Variants in FANCA observed in about 807,000 individuals in gnomAD.
FANCA encodes the protein FA complementation group A, also known as Fanconi anemia group A protein.
Under a neutral mutation model 194.3 loss-of-function variants are expected in FANCA, and 236 were observed. The observed-to-expected ratio is 1.21, with a 90% CI of 1.09 to 1.35. FANCA has a LOEUF of 1.35. Ranked by LOEUF, FANCA falls within the 40% of genes most tolerant of loss-of-function variation. The pLI, the probability that FANCA is intolerant of heterozygous loss-of-function variation, is 0.00. For missense variants in FANCA, 2,628 were observed against 1,813.9 expected, an observed-to-expected ratio of 1.45 and a Z score of -8.15; for synonymous variants, 1,014 against 715.8, an observed-to-expected ratio of 1.42 and a Z score of -6.65.
intron 8 of FANCA, among the ~76,000 whole-genome samples, chr16:89,802,545 G>A (rs1244746493): frequency 6.6e-6 from 1 of 152,132 alleles, no homozygotes; most frequent in Admixed American, 6.6e-5. Flanking sequence ...GGGTCCACAG[G>A]TGCCTGCCAC....
rs757531036 is a variant in FANCA, at chr16:89,811,085, C to G, written c.284-14G>C. The G allele has an allele frequency of 6.2e-7, 1 of 1,613,886 alleles. No individual in the cohort carries two copies. Among genetic ancestry groups the G allele is most frequent in the Non-Finnish European group, 8.5e-7 (1 of 1,180,012 alleles). On this transcript the variant is annotated splice_polypyrimidine_tract_variant and intron_variant, in intron 3 of 42. Transcript: ENST00000389301. Reference sequence around the variant, plus strand: ...GCAAAGCAGAGCCTTAAACACAAAACAAAACCATAGCTTTCTCTTAACACA... The same window carrying G: ...GCAAAGCAGAGCCTTAAACACAAAAGAAAACCATAGCTTTCTCTTAACACA...
intron 30 of FANCA, among the ~76,000 whole-genome samples, chr16:89,757,341 G>T (rs896501771): frequency 2.6e-5 from 4 of 152,120 alleles, no homozygotes; most frequent in African/African-American, 7.2e-5. Flanking sequence ...TTGGAGTAGG[G>T]TTAACAAGAA....
At chr16:89,798,925 G>A (rs529541141) in intron 10 of FANCA, 33 of 1,603,496 alleles carry the variant, frequency 2.1e-5, no homozygotes, top group Middle Eastern at 4.3e-4. Context: ...TTCCAGAGGC[G>A]GAACAGGATA....
intron 30 of FANCA, 120 bp from the exon 31 acceptor site, chr16:89,752,342 CATTA>C (rs1387970182): frequency 2.4e-6 from 2 of 833,292 alleles, no homozygotes; most frequent in African/African-American, 3.3e-5. Context: ...GTGACCCTCA[CATTA>C]GTCAACAATA....
chr16:89,745,070 A>G lies in FANCA; in HGVS notation c.3515T>C (p.Val1172Ala), dbSNP rs766473917. ...KCPLILTSAL[V>A]WWPSLEPVLL... Reference sequence around the variant, plus strand: ...CACAGGCTCCAGGCTCGGCCACCACACCTATGGAGAGAGCACCAGCACACA... The same window carrying G: ...CACAGGCTCCAGGCTCGGCCACCACGCCTATGGAGAGAGCACCAGCACACA... Residue 1172 changes from valine to alanine, a missense_variant and splice_region_variant, in exon 36 of 43, where the codon GTG becomes GCG. Coordinates refer to ENST00000389301, the MANE Select transcript of FANCA (RefSeq NM_000135.4). The G allele has an allele frequency of 5.6e-6, 9 of 1,600,306 alleles. No homozygotes were observed. The highest frequency in any genetic ancestry group is 7.6e-6 in the Non-Finnish European group (9 of 1,176,690).
chr16:89,758,796 C>T, intron 29 of FANCA, 91 bp from the exon 30 acceptor site: 1 of 1,582,354 alleles, frequency 6.3e-7, no homozygotes, highest in Non-Finnish European at 8.6e-7. Context: ...GTAAGGGACA[C>T]ACAGCACTAG....
intron 29 of FANCA, among the ~76,000 whole-genome samples, chr16:89,761,419 AG>A (rs1452050511): frequency 8.5e-6 from 1 of 118,022 alleles, no homozygotes; most frequent in Non-Finnish European, 1.6e-5. Context: ...ACTCTGTCTC[AG>A]AAAAAAAAAA....
At chr16:89,814,972 TA>T (rs1394471385) in intron 2 of FANCA, among the ~76,000 whole-genome samples, 2 of 151,964 alleles carry the variant, frequency 1.3e-5, no homozygotes, top group African/African-American at 4.8e-5. Flanking sequence ...AAAATAAAAA[TA>T]AAAAAAATTC....
rs1349300770 is a variant in FANCA, at chr16:89,771,710, T to C, written c.2119A>G (p.Asn707Asp). ...TCCCGTGGCTCCAGTCTCGGCGTGT[T>C]GATGCTGAGCTGAATCTTTGATATC... The part of the protein sequence containing the change: ...VEISKIQLSI[N>D]TPRLEPREHM... Residue 707 changes from asparagine (N) to aspartate (D), a missense_variant, in exon 23 of 43, where the codon AAC (asparagine) becomes GAC (aspartate). Transcript: ENST00000389301. 5.6e-6 allele frequency: 9 copies of C among 1,614,080 alleles called. No individual in the cohort carries two copies. The highest frequency in any genetic ancestry group is 7.6e-6 in the Non-Finnish European group (9 of 1,180,050).
In FANCA at chr16:89,738,976, TAG is replaced by T. The variant is rs2062047195; in HGVS notation, c.4168-4_4168-3del. 5 of 1,614,204 alleles carry T rather than the reference TAG, an allele frequency of 3.1e-6. No homozygotes were observed. Among genetic ancestry groups the T allele is most frequent in the Non-Finnish European group, 4.2e-6 (5 of 1,180,026 alleles). The stretch of plus-strand genomic sequence containing the variant: ...TGTTATCAGTTCCACGGGGTTGCCC[TAG>T]AGAGAAAACAGGCAAACTCACAGGT... On this transcript the variant is annotated splice_polypyrimidine_tract_variant and splice_region_variant and intron_variant, in intron 41 of 42. Transcript: ENST00000389301.
In FANCA at chr16:89,771,768, G is replaced by A; in HGVS notation, c.2061C>T (p.Val687=). The part of the protein sequence containing the change: ...VAVISERLRA[V]LGHNEDDSSV... ...TGCTGTCATCCTCATTGTGGCCCAGGACAGCCCTCAGTCTTTCAGAAATCA... is the reference window on the plus strand; with the variant it reads ...TGCTGTCATCCTCATTGTGGCCCAGAACAGCCCTCAGTCTTTCAGAAATCA... The change falls in exon 23 of 43, where the codon GTC becomes GTT. Residue 687 remains valine, a synonymous_variant. Transcript: ENST00000389301. 6.2e-7 allele frequency: 1 copy of A among 1,614,056 alleles called. No homozygotes were observed. The highest frequency in any genetic ancestry group is 8.5e-7 in the Non-Finnish European group (1 of 1,180,034).
intron 10 of FANCA, chr16:89,798,656 G>C: frequency 8.1e-7 from 1 of 1,234,162 alleles, no homozygotes; most frequent in Non-Finnish European, 1.0e-6. Context: ...ACCTGTAAGG[G>C]TCTCCGCACA....
chr16:89,740,855 GAA>G lies in FANCA; in HGVS notation c.3775_3776del (p.Phe1259ProfsTer18). Reference sequence around the variant, plus strand: ...GGCCCATCAAGGAGAAGAAGAAAAGGAAAACCAATAGCTGTAAATAAAAACGT... The same window carrying G: ...GGCCCATCAAGGAGAAGAAGAAAAGGAACCAATAGCTGTAAATAAAAACGT... ...LDCEREELLVFLFFFSLMGLL... is the reference protein window; with the variant it reads ...LDCEREELLVXLFFFSLMGLL... On this transcript the variant is annotated frameshift_variant, in exon 38 of 43. Coordinates refer to ENST00000389301, the MANE Select transcript of FANCA (RefSeq NM_000135.4). LOFTEE classifies it high-confidence loss of function. 1 of 1,613,096 alleles carries G rather than the reference GAA, an allele frequency of 6.2e-7. No homozygotes were observed. Among genetic ancestry groups the G allele is most frequent in the Non-Finnish European group, 8.5e-7 (1 of 1,179,424 alleles).
At chr16:89,740,636 C>CAAAAAAA (rs371709074) in intron 38 of FANCA, 168 bp downstream of exon 38, 485 of 460,770 alleles carry the variant, frequency 1.1e-3, no homozygotes, top group East Asian at 2.6e-3. Context: ...ACCCCCATCT[C>CAAAAAAA]AAAAAAAAAA....
chr16:89,795,899 G>A lies in FANCA; in HGVS notation c.1006+7C>T. 1 of 1,606,154 alleles carries A rather than the reference G, an allele frequency of 6.2e-7. No homozygotes were observed. The highest frequency in any genetic ancestry group is 8.5e-7 in the Non-Finnish European group (1 of 1,172,760). ...TAGCAACTGAGCAGCCTCCACACTG[G>A]GCCTACCTTTCAGCACAGGGCTGTG... is the stretch of plus-strand genomic sequence containing the variant. On this transcript the variant is annotated splice_region_variant and intron_variant, in intron 11 of 42. Coordinates refer to ENST00000389301, the MANE Select transcript of FANCA (RefSeq NM_000135.4).
At chr16:89,807,667 G>A (rs1021218886) in intron 6 of FANCA, among the ~76,000 whole-genome samples, 3 of 150,946 alleles carry the variant, frequency 2.0e-5, no homozygotes, top group African/African-American at 4.9e-5. Flanking sequence ...GGCAGATCCT[G>A]AAGTCAGGAG....
At chr16:89,743,759 G>A (rs141938940) in intron 36 of FANCA, among the ~76,000 whole-genome samples, 74 of 152,198 alleles carry the variant, frequency 4.9e-4, no homozygotes, top group Non-Finnish European at 8.2e-4. Context: ...GGAGGCGGAG[G>A]TCATGGTGAG....
At chr16:89,800,172 A>G (rs141184467) in intron 8 of FANCA, among the ~76,000 whole-genome samples, 167 of 152,342 alleles carry the variant, frequency 1.1e-3, no homozygotes, top group Middle Eastern at 3.4e-3. Context: ...TGGGCAGGAC[A>G]CTTTTGCACG....
chr16:89,758,446 GT>G, intron 30 of FANCA, 130 bp downstream of exon 30: 1 of 1,029,618 alleles, frequency 9.7e-7, no homozygotes, highest in Non-Finnish European at 1.5e-6. Context: ...TGACATTTGG[GT>G]ATAGGCTGGG....
Sources: gnomAD v4.1 joint callset for allele counts (sites outside exome capture counted in the v4.1 genomes callset) on GRCh38, gnomAD v4.1.1 for gene constraint, MANE v1.5 for transcripts, NCBI Gene and HGNC (gene_info 2026-07-23, HGNC 2026-07-21) for gene names.